Variants in LAMA1 observed in about 807,000 individuals in gnomAD.
The protein encoded by LAMA1 is laminin subunit alpha-1.
In LAMA1, 219 loss-of-function variants were observed where a neutral mutation model predicts 348.7. That is an observed-to-expected ratio of 0.63 (90% confidence interval 0.56 to 0.70). The LOEUF is 0.70. LAMA1 is among the 30% of genes least tolerant of loss of function. LAMA1 has a pLI of 0.00. For synonymous variants in LAMA1, 1,487 were observed against 1,491.0 expected (o/e 1.00, Z 0.06); for missense variants, 3,744 against 3,888.0 (o/e 0.96, Z 0.99).
chr18:7,080,594 G>A (rs1361715182), intron 1 of LAMA1, 137 bp from the exon 2 acceptor site: 49 of 887,346 alleles, frequency 5.5e-5, no homozygotes, highest in East Asian at 3.2e-4. Context: ...CACAAACACC[G>A]TATACGCAGC....
At chr18:7,062,219 G>T (rs984965679) in intron 3 of LAMA1, among the ~76,000 whole-genome samples, 22 of 152,232 alleles carry the variant, frequency 1.4e-4, no homozygotes, top group African/African-American at 4.3e-4. Flanking sequence ...GGCTGTGAGA[G>T]TGTCTGGGTG....
rs2144076617 is a variant in LAMA1, at chr18:6,993,748, G to A, written c.4901C>T (p.Thr1634Ile). ...CTTTTGGGTACTCGCTAACATCCTA[G>A]TGAGCTGGTGGAAAAATAAAGTCTC... ...EETDNLQKKL[T>I]RMLASTQKVN... Residue 1634 changes from threonine to isoleucine, a missense_variant, in exon 35 of 63, where the codon ACT becomes ATT. This residue lies in a region of LAMA1 where 1,983 missense variants were observed against 1,934.3 expected (regional missense o/e 1.03). Coordinates refer to ENST00000389658, the MANE Select transcript of LAMA1 (RefSeq NM_005559.4). 3.1e-6 allele frequency: 5 copies of A among 1,588,072 alleles called. No individual in the cohort carries two copies. In the East Asian group the frequency reaches 1.1e-4, roughly 35 times the overall value.
In LAMA1 at chr18:7,043,409, G is replaced by C. The variant is rs1325209392; in HGVS notation, c.977-4C>G. ...GCTTTATTGTGACAATTACATGCTA[G>C]GAGAATATTTTTAACATCTCAATTA... On this transcript the variant is annotated splice_polypyrimidine_tract_variant and splice_region_variant and intron_variant, in intron 7 of 62. Transcript: ENST00000389658. 1 of 1,611,090 alleles carries C rather than the reference G, an allele frequency of 6.2e-7. No individual in the cohort carries two copies. The highest frequency in any genetic ancestry group is 2.2e-5 in the East Asian group (1 of 44,872).
intron 1 of LAMA1, among the ~76,000 whole-genome samples, chr18:7,084,917 C>T (rs1005766069): frequency 6.6e-6 from 1 of 152,150 alleles, no homozygotes; most frequent in Admixed American, 6.5e-5. Context: ...TTGGCTAGGC[C>T]TGAGACTTGT....
chr18:7,029,987 A>T (rs2057961285), intron 16 of LAMA1, among the ~76,000 whole-genome samples: 1 of 151,996 alleles, frequency 6.6e-6, no homozygotes, highest in Admixed American at 6.6e-5. Context: ...GAAAAAAAAA[A>T]ACCAGCAAGG....
chr18:7,048,977 C>T lies in LAMA1; in HGVS notation c.768+101G>A, dbSNP rs7241776. On this transcript the variant is annotated intron_variant, in intron 5 of 62. Coordinates refer to ENST00000389658, the MANE Select transcript of LAMA1 (RefSeq NM_005559.4). ...CTGGCAAGAAAAAAGGCCAACATGT[C>T]GGGGAAAGAACAACCAAAAAGGAAA... 1,033 of 1,152,798 alleles carry T rather than the reference C, an allele frequency of 9.0e-4. 7 individuals are homozygous for T. The African/African-American group carries it at 0.013, about 14-fold the overall frequency. 71.4% of individuals were successfully genotyped at this position (1,152,798 alleles called of 1,614,324 possible). A position where few individuals can be genotyped will look rare whatever the true frequency, so the allele number is the denominator to read the frequency against.
chr18:7,094,895 C>A (rs1335953369), intron 1 of LAMA1, among the ~76,000 whole-genome samples: 1 of 152,074 alleles, frequency 6.6e-6, no homozygotes, highest in African/African-American at 2.4e-5. Flanking sequence ...AAAATAAATT[C>A]AAGACCAATA....
chr18:7,045,247 G>T (rs571021434), intron 6 of LAMA1, among the ~76,000 whole-genome samples: 1 of 152,238 alleles, frequency 6.6e-6, no homozygotes, highest in South Asian at 2.1e-4. Context: ...TCATGCAAGT[G>T]TTTTAAAAGG....
intron 1 of LAMA1, among the ~76,000 whole-genome samples, chr18:7,103,734 G>A (rs188389656): frequency 2.0e-4 from 31 of 151,374 alleles, no homozygotes; most frequent in African/African-American, 5.8e-4. Context: ...CAGAAGAATC[G>A]CTTAAACCCA....
chr18:7,040,603 T>G lies in LAMA1; in HGVS notation c.1262-367A>C, dbSNP rs933376030. 3.9e-5 allele frequency among the ~76,000 whole-genome samples: 6 copies of G among 152,186 alleles called. No individual in the cohort carries two copies. The East Asian group carries it at 1.2e-3, about 29-fold the overall frequency. ...CTTTGGAAAACCTTTTGACACTTCTTCAAAATGTTAAGTTATAGAGTTGCC... is the reference window on the plus strand; with the variant it reads ...CTTTGGAAAACCTTTTGACACTTCTGCAAAATGTTAAGTTATAGAGTTGCC... On this transcript the variant is annotated intron_variant, in intron 9 of 62. Transcript: ENST00000389658.
rs144296728 is a variant in LAMA1, at chr18:7,081,726, C to T, written c.62-1269G>A. On this transcript the variant is annotated intron_variant, in intron 1 of 62. Transcript: ENST00000389658. ...AAAGATCTAGAAACAATGGTGTACG[C>T]GATGTTGAAGAGACATTCTCCAGGC... is the stretch of plus-strand genomic sequence containing the variant. Among the ~76,000 whole-genome samples, 5 of 152,186 alleles carry T rather than the reference C, an allele frequency of 3.3e-5. No individual in the cohort carries two copies. In the East Asian group the frequency reaches 5.8e-4, roughly 18 times the overall value.
chr18:7,023,675 G>A (rs949284421), intron 18 of LAMA1, among the ~76,000 whole-genome samples: 2 of 152,166 alleles, frequency 1.3e-5, no homozygotes, highest in African/African-American at 4.8e-5. Context: ...CTCAGCCAGA[G>A]CTGGGCACTG....
chr18:6,990,091 T>C (rs1163142235), intron 36 of LAMA1, among the ~76,000 whole-genome samples: 1 of 152,218 alleles, frequency 6.6e-6, no homozygotes, highest in Non-Finnish European at 1.5e-5. Flanking sequence ...GACTATATCA[T>C]TTCATGTGAT....
At chr18:7,023,549 C>T (rs12968034) in intron 18 of LAMA1, among the ~76,000 whole-genome samples, 174 bp from the exon 19 acceptor site, 4,453 of 152,228 alleles carry the variant, frequency 0.029, 71 homozygotes, top group Middle Eastern at 0.071. Context: ...TCACCTGTCG[C>T]GGTGAAGGGG....
intron 3 of LAMA1, among the ~76,000 whole-genome samples, chr18:7,062,375 G>A (rs978491357): frequency 6.6e-6 from 1 of 152,194 alleles, no homozygotes; most frequent in Non-Finnish European, 1.5e-5. Context: ...GAACTCTGAG[G>A]GCAGAGCACA....
At chr18:6,947,546 G>A (rs527415566) in intron 60 of LAMA1, among the ~76,000 whole-genome samples, 2 of 152,274 alleles carry the variant, frequency 1.3e-5, no homozygotes, top group South Asian at 2.1e-4. Flanking sequence ...TTCATCTGTG[G>A]CCACAGAAGC....
chr18:7,049,270 G>T lies in LAMA1; in HGVS notation c.589-13C>A. On this transcript the variant is annotated splice_polypyrimidine_tract_variant and intron_variant, in intron 4 of 62. Transcript: ENST00000389658. ...GTGATGTATGAATCTGAAGATGAAG[G>T]CATCAAAATAGATGAATGTCAATTG... 1 of 1,605,910 alleles carries T rather than the reference G, an allele frequency of 6.2e-7. No homozygotes were observed. The highest frequency in any genetic ancestry group is 8.5e-7 in the Non-Finnish European group (1 of 1,172,562).
intron 61 of LAMA1, among the ~76,000 whole-genome samples, chr18:6,945,510 G>A (rs750687014): frequency 3.9e-5 from 6 of 152,120 alleles, no homozygotes; most frequent in Non-Finnish European, 8.8e-5. Context: ...TGCCTTCCAA[G>A]AGGCACTAGT....
At position 7,038,902 on chromosome 18, in the gene LAMA1, T is replaced by G. The variant is rs1401537646; in HGVS notation, c.1471A>C (p.Asn491His). 2.4e-5 allele frequency: 38 copies of G among 1,613,976 alleles called. No individual in the cohort carries two copies. Among genetic ancestry groups the G allele is most frequent in the Non-Finnish European group, 3.2e-5 (38 of 1,179,852 alleles). ...CCCCGGGGGTTTTTTTCCTTCAAGT[T>G]ATAGAATCCTGGCTTGCAGCGATCA... ...ACDRCKPGFY[N>H]LKEKNPRGCS... The change falls in exon 11 of 63, where the codon AAC (asparagine) becomes CAC (histidine). Residue 491 changes from asparagine to histidine, a missense_variant. Physicochemically the swap from Asn to His is moderately conservative, Grantham distance 68. Around this residue, in one of 3 missense-constraint regions of LAMA1, gnomAD observed 1,529 missense variants for 1,689.4 expected, o/e 0.91. Transcript: ENST00000389658.
Sources: gnomAD v4.1 joint callset for allele counts (sites outside exome capture counted in the v4.1 genomes callset) on GRCh38, gnomAD v4.1.1 for gene constraint, gnomAD v4.1.1 regional missense constraint, MANE v1.5 for transcripts, NCBI Gene and HGNC (gene_info 2026-07-23, HGNC 2026-07-21) for gene names.